The following RIC3 variants were observed in gnomAD, a reference collection of about 807,000 sequenced individuals.
RIC3 encodes RIC3 acetylcholine receptor chaperone.
A neutral mutation model predicts 27.3 loss-of-function variants in RIC3; 28 were observed. The observed-to-expected ratio is 1.02, with a 90% CI of 0.76 to 1.41. The LOEUF (loss-of-function observed/expected upper bound fraction) is 1.41, where lower values mean the gene tolerates loss of function less well. RIC3 is among the 40% of genes most tolerant of loss of function. The probability of loss-of-function intolerance (pLI) is 0.00; values close to 1 mark genes in which losing one functional copy is unlikely to be tolerated. For synonymous variants in RIC3, 184 were observed against 160.4 expected (o/e 1.15, Z -1.11); for missense variants, 501 against 444.7 (o/e 1.13, Z -1.14).
At chr11:8,120,794 A>T (rs1946357312) in intron 5 of RIC3, among the ~76,000 whole-genome samples, 1 of 152,190 alleles carries the variant, frequency 6.6e-6, no homozygotes. Flanking sequence ...CCTATTGAGA[A>T]AAAGAAGCAG....
intron 4 of RIC3, among the ~76,000 whole-genome samples, chr11:8,132,045 C>G (rs1346652123): frequency 2.0e-5 from 3 of 151,624 alleles, no homozygotes; most frequent in Non-Finnish European, 4.4e-5. Context: ...TGGCAAAAAT[C>G]TGTAGTCCCA....
intron 5 of RIC3, among the ~76,000 whole-genome samples, chr11:8,115,880 G>A (rs951844038): frequency 2.0e-5 from 3 of 152,078 alleles, no homozygotes; most frequent in African/African-American, 7.2e-5. Context: ...AATTTTCACA[G>A]AAATAGAAGA....
downstream of RIC3, chr11:8,101,366 C>T (rs1944293954): frequency 7.6e-7 from 1 of 1,307,516 alleles, no homozygotes; most frequent in South Asian, 1.3e-5. Flanking sequence ...TGTGATTCCC[C>T]TGGCATCTCT....
chr11:8,108,637 A>G lies in RIC3; in HGVS notation c.*2061T>C, dbSNP rs973501080. 5.3e-5 allele frequency: 8 copies of G among 152,190 alleles called. No individual in the cohort carries two copies. The highest frequency in any genetic ancestry group is 1.2e-4 in the Non-Finnish European group (8 of 68,032). The allele number at this position is 152,190 out of a possible 1,614,324, so 9.4% of individuals were successfully genotyped here. ...AAAATGCAGGGACAGATTATGGCTC[A>G]TGTTTCTCTGCCTGCAGGATTCACG... On this transcript the variant is annotated 3_prime_UTR_variant, in exon 6 of 6. Coordinates refer to ENST00000309737, the MANE Select transcript of RIC3 (RefSeq NM_001206671.4).
intron 5 of RIC3, among the ~76,000 whole-genome samples, chr11:8,114,478 C>T (rs983270241): frequency 4.0e-5 from 6 of 151,896 alleles, no homozygotes; most frequent in East Asian, 1.9e-4. Context: ...TGGTGGCAGG[C>T]GCCTGTAATT....
At chr11:8,152,580 A>G (rs1481209247) in intron 1 of RIC3, among the ~76,000 whole-genome samples, 1 of 152,150 alleles carries the variant, frequency 6.6e-6, no homozygotes, top group Non-Finnish European at 1.5e-5. Flanking sequence ...GGTGCAGAGG[A>G]AGGAAAAAGT....
intron 1 of RIC3, among the ~76,000 whole-genome samples, chr11:8,154,763 T>C (rs1466377532): frequency 6.6e-6 from 1 of 152,232 alleles, no homozygotes; most frequent in East Asian, 1.9e-4. Context: ...TTTTTTAAGT[T>C]TGCTTTATTA....
downstream of RIC3, chr11:8,105,372 T>G (rs1944511364): frequency 6.6e-6 from 1 of 152,192 alleles, no homozygotes; most frequent in Non-Finnish European, 1.5e-5. Context: ...TCTGTAGGTT[T>G]GTAGTAGCCA....
intron 4 of RIC3, among the ~76,000 whole-genome samples, chr11:8,134,952 C>T (rs1948200582): frequency 6.6e-6 from 1 of 152,168 alleles, no homozygotes; most frequent in Admixed American, 6.5e-5. Context: ...TGCCTGTTCA[C>T]TCTGACGGTA....
intron 4 of RIC3, among the ~76,000 whole-genome samples, chr11:8,128,691 T>G (rs910259538): frequency 1.3e-5 from 2 of 152,084 alleles, no homozygotes; most frequent in Non-Finnish European, 2.9e-5. Context: ...ATCCATTATT[T>G]TCTTCCACCT....
At chr11:8,168,632 C>T (rs1338008991) in intron 1 of RIC3, among the ~76,000 whole-genome samples, 5 of 152,192 alleles carry the variant, frequency 3.3e-5, no homozygotes, top group Non-Finnish European at 2.9e-5. Flanking sequence ...GATGCACAGA[C>T]CTGCATGCAT....
At chr11:8,149,325 T>A (rs550763756) in intron 1 of RIC3, among the ~76,000 whole-genome samples, 1 of 151,958 alleles carries the variant, frequency 6.6e-6, no homozygotes, top group African/African-American at 2.4e-5. Context: ...ACTGTGTATA[T>A]GAGATTGAGA....
At chr11:8,115,732 TGAAA>T (rs752745538) in intron 5 of RIC3, among the ~76,000 whole-genome samples, 5 of 152,018 alleles carry the variant, frequency 3.3e-5, no homozygotes, top group Non-Finnish European at 5.9e-5. Flanking sequence ...AAAACATTGA[TGAAA>T]GAAATTGAAG....
intron 5 of RIC3, among the ~76,000 whole-genome samples, chr11:8,123,902 T>C (rs987162574): frequency 6.7e-6 from 1 of 150,118 alleles, no homozygotes; most frequent in Non-Finnish European, 1.5e-5. Flanking sequence ...TTTTTAAATT[T>C]AAAAAATTGA....
chr11:8,133,561 A>T lies in RIC3; in HGVS notation c.521+3817T>A, dbSNP rs143617548. Among the ~76,000 whole-genome samples, 984 of 152,342 alleles carry T rather than the reference A, an allele frequency of 6.5e-3. 22 individuals are homozygous for T. The highest frequency in any genetic ancestry group is 0.051 in the Admixed American group (785 of 15,296). ...TCCTAAGAGGTAGGGTGGAAAAAGT[A>T]TTACACAACCTTTGCCATGCTGCAG... is the stretch of plus-strand genomic sequence containing the variant. On this transcript the variant is annotated intron_variant, in intron 4 of 5. Coordinates refer to ENST00000309737, the MANE Select transcript of RIC3 (RefSeq NM_001206671.4).
At chr11:8,097,303 G>T in the RIC3 span, 2 of 1,614,058 alleles carry the variant, frequency 1.2e-6, no homozygotes, top group African/African-American at 1.3e-5. Context: ...TGAGGAGTTT[G>T]CACTGAGGCC....
intron 1 of RIC3, among the ~76,000 whole-genome samples, chr11:8,142,011 G>A (rs1479144550): frequency 6.7e-6 from 1 of 150,296 alleles, no homozygotes; most frequent in Admixed American, 6.6e-5. Context: ...AGAATCTCTG[G>A]GACGCATTCA....
At chr11:8,096,680 C>A in the RIC3 span, 1 of 1,582,834 alleles carries the variant, frequency 6.3e-7, no homozygotes, top group Non-Finnish European at 8.7e-7. Flanking sequence ...CTCTCCTTGG[C>A]CCAGGCATCT....
chr11:8,104,892 G>T (rs2133945597), downstream of RIC3: 1 of 150,880 alleles, frequency 6.6e-6, no homozygotes, highest in South Asian at 2.1e-4. Context: ...GCCTCCTTCA[G>T]TGACAAGTAG....
Sources: allele counts gnomAD v4.1 joint callset (sites outside exome capture counted in the v4.1 genomes callset), GRCh38; gene constraint gnomAD v4.1.1; transcripts MANE v1.5; gene names NCBI Gene and HGNC (gene_info 2026-07-23, HGNC 2026-07-21).